IZUMO2: variants seen among roughly 807,000 people sequenced by gnomAD.
IZUMO2 encodes the protein izumo sperm-egg fusion protein 2.
A neutral mutation model predicts 31.2 loss-of-function variants in IZUMO2; 24 were observed. The ratio of observed to expected loss-of-function variants is 0.77; its 90% CI spans 0.56 to 1.08. IZUMO2 has a LOEUF of 1.08. Ranked by LOEUF, IZUMO2 falls within the 50% of genes least tolerant of loss-of-function variation. The pLI is 0.00. For missense variants in IZUMO2, 278 were observed against 274.0 expected (o/e 1.01, Z -0.10); for synonymous variants, 144 against 117.3 (o/e 1.23, Z -1.47).
rs1568440183 is a variant in IZUMO2, at chr19:50,163,036, G to A, written c.159C>T (p.Ala53=). The change falls in exon 1 of 7, where the codon GCC becomes GCT. Residue 53 remains alanine, a synonymous_variant. Transcript: ENST00000293405. ...RFQLEQLQAR[A]GAVLMGMEGP... Reference sequence around the variant, plus strand: ...CCTCCATGCCCATCAGCACGGCCCCGGCGCGCGCCTGCAGCTGCTCCAACT... The same window carrying A: ...CCTCCATGCCCATCAGCACGGCCCCAGCGCGCGCCTGCAGCTGCTCCAACT... The A allele has an allele frequency of 3.7e-6, 6 of 1,612,772 alleles. No individual in the cohort carries two copies. In the South Asian group the frequency reaches 5.5e-5, roughly 15 times the overall value.
At chr19:50,159,363 A>C in intron 3 of IZUMO2, 113 bp from the exon 4 acceptor site, 1 of 1,296,956 alleles carries the variant, frequency 7.7e-7, no homozygotes, top group Non-Finnish European at 1.1e-6. Context: ...AGAGAAGGGA[A>C]GATTGGGGAG....
In IZUMO2 at chr19:50,163,131, G is replaced by A. The variant is rs763489081; in HGVS notation, c.64C>T (p.Leu22=). The change falls in exon 1 of 7, where the codon CTG becomes TTG. Residue 22 remains leucine (L), a synonymous_variant. Transcript: ENST00000293405. Reference sequence around the variant, plus strand: ...TCCAGCACCAAGGGGTCGCACTGCAGGCAGCCCCAGCCTCCGGGGGCGCCC... The same window carrying A: ...TCCAGCACCAAGGGGTCGCACTGCAAGCAGCCCCAGCCTCCGGGGGCGCCC... ...GLGAPGGWGC[L]QCDPLVLEAL... 6 of 1,595,530 alleles carry A rather than the reference G, an allele frequency of 3.8e-6. No homozygotes were observed. Among genetic ancestry groups the A allele is most frequent in the Admixed American group, 3.6e-5 (2 of 56,198 alleles).
chr19:50,159,357 A>G (rs927454094), intron 3 of IZUMO2, 107 bp from the exon 4 acceptor site: 70 of 1,338,230 alleles, frequency 5.2e-5, no homozygotes, highest in Non-Finnish European at 7.2e-5. Flanking sequence ...GAAAGGAGAG[A>G]AGGGAAGATT....
chr19:50,152,928 G>C (rs1006890490), intron 6 of IZUMO2, among the ~76,000 whole-genome samples: 1 of 152,118 alleles, frequency 6.6e-6, no homozygotes, highest in South Asian at 2.1e-4. Context: ...GAAATGGAGA[G>C]AGATAAGGTA....
In IZUMO2 at chr19:50,154,617, G is replaced by A. The variant is rs780257716; in HGVS notation, c.606C>T (p.Phe202=). The A allele has an allele frequency of 1.8e-5, 29 of 1,613,940 alleles. No individual in the cohort carries two copies. Among genetic ancestry groups the A allele is most frequent in the South Asian group, 1.1e-4 (10 of 91,062 alleles). ...TGACTCACGAGACCACGATGACCAC[G>A]AAGACAAAGACAGCCAGAGACACAG... ...LISVSLAVFV[F]VVIVVSACTY... The change falls in exon 6 of 7, where the codon TTC becomes TTT. Residue 202 remains phenylalanine, a synonymous_variant. Transcript: ENST00000293405.
Position 50,163,112 on chromosome 19 carries a change from A to C in IZUMO2, c.83T>G (p.Val28Gly). The change falls in exon 1 of 7, where the codon GTG becomes GGG. Residue 28 changes from valine to glycine, a missense_variant. Transcript: ENST00000293405. ...GWGCLQCDPL[V>G]LEALGHLRSA... Reference sequence around the variant, plus strand: ...GCGCAGGTGACCCAGGGCCTCCAGCACCAAGGGGTCGCACTGCAGGCAGCC... The same window carrying C: ...GCGCAGGTGACCCAGGGCCTCCAGCCCCAAGGGGTCGCACTGCAGGCAGCC... 1 of 1,608,696 alleles carries C rather than the reference A, an allele frequency of 6.2e-7. No individual in the cohort carries two copies. Among genetic ancestry groups the C allele is most frequent in the Non-Finnish European group, 8.5e-7 (1 of 1,177,830 alleles).
chr19:50,158,894 T>C (rs2030301813), intron 4 of IZUMO2, among the ~76,000 whole-genome samples: 1 of 152,200 alleles, frequency 6.6e-6, no homozygotes, highest in Admixed American at 6.5e-5. Context: ...ATAGCCTGGA[T>C]CCCTGAGTCA....
chr19:50,161,851 C>T (rs1051457565), intron 2 of IZUMO2, among the ~76,000 whole-genome samples: 1 of 152,164 alleles, frequency 6.6e-6, no homozygotes, highest in East Asian at 1.9e-4. Context: ...CATATTTTAT[C>T]GGGCAATAAA....
At position 50,158,282 on chromosome 19, in the gene IZUMO2, T is replaced by A; in HGVS notation, c.482A>T (p.Lys161Ile). The change falls in exon 5 of 7, where the codon AAA becomes ATA. Residue 161 changes from lysine to isoleucine, a missense_variant. Lys to Ile is a moderately radical substitution (Grantham distance 102). Coordinates refer to ENST00000293405, the MANE Select transcript of IZUMO2 (RefSeq NM_152358.3). ...CQRITPKCIH[K>I]KYCFVDRQPR... ...CAGAAGCTTACCAAAGCAGTACTTT[T>A]TGTGGATACACTTGGGAGTGATCCT... is the stretch of plus-strand genomic sequence containing the variant. 9 of 1,609,760 alleles carry A rather than the reference T, an allele frequency of 5.6e-6. No individual in the cohort carries two copies. The highest frequency in any genetic ancestry group is 7.6e-6 in the Non-Finnish European group (9 of 1,177,208).
In IZUMO2 at chr19:50,159,211, T is replaced by G; in HGVS notation, c.415+19A>C. 4 of 1,608,788 alleles carry G rather than the reference T, an allele frequency of 2.5e-6. No individual in the cohort carries two copies. The highest frequency in any genetic ancestry group is 2.2e-5 in the East Asian group (1 of 44,788). ...GTTAGGAGGGTAGAGAAGGGAGAGA[T>G]AGACGATCCAGAACTCACGGCAAAG... On this transcript the variant is annotated intron_variant, in intron 4 of 6. Transcript: ENST00000293405.
Position 50,163,226 on chromosome 19 carries a change from C to A in IZUMO2, c.-32G>T. ...GCCTTTGTGACGTCACAGAGAGAAC[C>A]CGGCCCGCCCCGCCTCCCAGGCGAG... On this transcript the variant is annotated 5_prime_UTR_variant, in exon 1 of 7. Coordinates refer to ENST00000293405, the MANE Select transcript of IZUMO2 (RefSeq NM_152358.3). The A allele has an allele frequency of 6.6e-7, 1 of 1,504,050 alleles. No homozygotes were observed. Among genetic ancestry groups the A allele is most frequent in the Non-Finnish European group, 9.0e-7 (1 of 1,111,798 alleles). The allele number at this position is 1,504,050 out of a possible 1,614,324, so 93.2% of individuals were successfully genotyped here. A position where few individuals can be genotyped will look rare whatever the true frequency, so the allele number is the denominator to read the frequency against.
intron 2 of IZUMO2, among the ~76,000 whole-genome samples, chr19:50,161,684 C>T (rs1415540793): frequency 6.6e-6 from 1 of 152,110 alleles, no homozygotes; most frequent in Non-Finnish European, 1.5e-5. Context: ...TGGCTGCTTC[C>T]CTCTCCCCTT....
chr19:50,156,765 CA>C (rs1454684244), intron 5 of IZUMO2, among the ~76,000 whole-genome samples: 3 of 146,450 alleles, frequency 2.0e-5, no homozygotes, highest in African/African-American at 8.3e-5. Flanking sequence ...TCTAAAAAAA[CA>C]AAACAAAACA....
intron 3 of IZUMO2, 86 bp from the exon 4 acceptor site, chr19:50,159,336 G>C (rs2030318647): frequency 6.9e-7 from 1 of 1,443,518 alleles, no homozygotes. Context: ...GCAGGTAAGG[G>C]GTGAGGCTGG....
intron 2 of IZUMO2, 111 bp from the exon 3 acceptor site, chr19:50,159,691 T>C: frequency 4.3e-6 from 3 of 690,502 alleles, no homozygotes; most frequent in South Asian, 1.7e-5. Flanking sequence ...TTATAAAGGG[T>C]AACCAAGACC....
At chr19:50,155,381 G>C (rs1010029255) in intron 5 of IZUMO2, among the ~76,000 whole-genome samples, 4 of 152,204 alleles carry the variant, frequency 2.6e-5, no homozygotes, top group Non-Finnish European at 5.9e-5. Flanking sequence ...CTGGGGGACG[G>C]AGCAAGACCC....
At chr19:50,162,870 C>T in intron 1 of IZUMO2, 57 bp from the exon 2 acceptor site, 1 of 1,602,958 alleles carries the variant, frequency 6.2e-7, no homozygotes. Flanking sequence ...CAAGTGACCT[C>T]ACCCCCTCCA....
intron 4 of IZUMO2, 151 bp from the exon 5 acceptor site, chr19:50,158,499 G>A (rs1400976081): frequency 3.9e-5 from 19 of 483,364 alleles, no homozygotes; most frequent in East Asian, 3.2e-5. Context: ...TAAGCAAAAT[G>A]CACTGACAAT....
intron 5 of IZUMO2, among the ~76,000 whole-genome samples, chr19:50,157,353 A>G (rs1426009514): frequency 6.9e-6 from 1 of 145,036 alleles, no homozygotes; most frequent in Non-Finnish European, 1.5e-5. Context: ...CCCAAGCTGG[A>G]GTGCAATGGT....
Sources: allele counts gnomAD v4.1 joint callset (sites outside exome capture counted in the v4.1 genomes callset), GRCh38; gene constraint gnomAD v4.1.1; transcripts MANE v1.5; gene names NCBI Gene and HGNC (gene_info 2026-07-23, HGNC 2026-07-21).